ATP13A5: variants seen among roughly 807,000 people sequenced by gnomAD.
The protein encoded by ATP13A5 is probable cation-transporting ATPase 13A5.
Under a neutral mutation model 150.2 loss-of-function variants are expected in ATP13A5, and 149 were observed. The ratio of observed to expected loss-of-function variants is 0.99; its 90% CI spans 0.87 to 1.14. ATP13A5 has a LOEUF of 1.14. ATP13A5 is among the 50% of genes most tolerant of loss of function. ATP13A5 has a pLI of 0.00. For missense variants in ATP13A5, 1,383 were observed against 1,449.3 expected, an observed-to-expected ratio of 0.95 and a Z score of 0.74; for synonymous variants, 497 against 522.2, an observed-to-expected ratio of 0.95 and a Z score of 0.66.
At chr3:193,300,830 G>A (rs964746434) in intron 24 of ATP13A5, among the ~76,000 whole-genome samples, 1 of 152,090 alleles carries the variant, frequency 6.6e-6, no homozygotes, top group Non-Finnish European at 1.5e-5. Context: ...AAATTCAACA[G>A]CTTCTCTTCC....
At chr3:193,345,484 A>G (rs1226785577) in intron 7 of ATP13A5, among the ~76,000 whole-genome samples, 4 of 152,160 alleles carry the variant, frequency 2.6e-5, no homozygotes, top group Non-Finnish European at 5.9e-5. Context: ...GATGGTCAGA[A>G]TAAATTTATG....
intron 3 of ATP13A5, 140 bp from the exon 4 acceptor site, chr3:193,362,777 CTT>C (rs1713076909): frequency 4.0e-6 from 2 of 502,254 alleles, no homozygotes; most frequent in African/African-American, 4.2e-5. Context: ...TTCTTTCTTT[CTT>C]TCTTTCTTTC....
chr3:193,359,618 C>T (rs1433074670), intron 5 of ATP13A5, among the ~76,000 whole-genome samples: 7 of 152,184 alleles, frequency 4.6e-5, no homozygotes, highest in South Asian at 2.1e-4. Context: ...ACTAAATCAA[C>T]GGGGAGCCTC....
At chr3:193,305,891 A>G (rs1364838910) in intron 22 of ATP13A5, among the ~76,000 whole-genome samples, 2 of 152,136 alleles carry the variant, frequency 1.3e-5, no homozygotes, top group Admixed American at 6.5e-5. Context: ...GTGTGTGTAC[A>G]TGCATGCGTG....
chr3:193,302,922 G>A (rs370213402), intron 23 of ATP13A5, among the ~76,000 whole-genome samples: 52 of 152,236 alleles, frequency 3.4e-4, no homozygotes, highest in African/African-American at 7.5e-4. Flanking sequence ...CTACCCTAGC[G>A]TCTTACTGAG....
chr3:193,321,184 T>C (rs1719260819), intron 16 of ATP13A5, among the ~76,000 whole-genome samples: 2 of 152,186 alleles, frequency 1.3e-5, no homozygotes, highest in African/African-American at 4.8e-5. Flanking sequence ...CTTTTCTTAC[T>C]GCACCCACAG....
intron 13 of ATP13A5, among the ~76,000 whole-genome samples, 162 bp downstream of exon 13, chr3:193,326,834 T>C (rs1290090464): frequency 2.0e-5 from 3 of 152,212 alleles, no homozygotes; most frequent in Non-Finnish European, 4.4e-5. Context: ...CATTCTGAAA[T>C]TAGAATTCAT....
chr3:193,319,778 AC>A (rs967399154), intron 16 of ATP13A5, among the ~76,000 whole-genome samples: 12 of 151,982 alleles, frequency 7.9e-5, no homozygotes, highest in African/African-American at 2.7e-4. Context: ...GGTCAAAAAA[AC>A]AAAACTAGGA....
chr3:193,293,892 C>T (rs1331246215), intron 25 of ATP13A5, among the ~76,000 whole-genome samples: 2 of 152,060 alleles, frequency 1.3e-5, no homozygotes, highest in East Asian at 3.9e-4. Flanking sequence ...CCTCCTGCAC[C>T]TCCTTCTCTG....
At chr3:193,301,545 C>T (rs1453700520) in intron 23 of ATP13A5, among the ~76,000 whole-genome samples, 1 of 152,176 alleles carries the variant, frequency 6.6e-6, no homozygotes, top group African/African-American at 2.4e-5. Context: ...CAGCATTATG[C>T]TAAGAGTCAT....
intron 25 of ATP13A5, among the ~76,000 whole-genome samples, chr3:193,297,402 C>G (rs1444792151): frequency 6.6e-6 from 1 of 151,986 alleles, no homozygotes; most frequent in Non-Finnish European, 1.5e-5. Context: ...CAGGAAATGA[C>G]TAGCCTGTGG....
chr3:193,333,976 AC>A, intron 10 of ATP13A5, 69 bp from the exon 11 acceptor site: 2 of 1,475,482 alleles, frequency 1.4e-6, no homozygotes, highest in Non-Finnish European at 1.8e-6. Context: ...AAATGGCTTT[AC>A]TGTCTTTGAG....
intron 26 of ATP13A5, among the ~76,000 whole-genome samples, chr3:193,285,357 G>A (rs992579959): frequency 6.6e-6 from 1 of 152,144 alleles, no homozygotes; most frequent in African/African-American, 2.4e-5. Flanking sequence ...GGGCCTGGAT[G>A]ACAATATTTT....
chr3:193,343,998 C>T lies in ATP13A5; in HGVS notation c.872G>A (p.Gly291Glu), dbSNP rs1712226113. 1.2e-6 allele frequency: 2 copies of T among 1,613,348 alleles called. No individual in the cohort carries two copies. The highest frequency in any genetic ancestry group is 1.7e-6 in the Non-Finnish European group (2 of 1,179,632). The stretch of plus-strand genomic sequence containing the variant: ...AGCATCACATGGCAATGAAAATTTT[C>T]CTGGAAGAATAAGAATGTCTCCGGG... Reference protein sequence around the residue: ...LVPGDILILPGKFSLPCDAVL... With the variant: ...LVPGDILILPEKFSLPCDAVL... The change falls in exon 9 of 30, where the codon GGA becomes GAA. Residue 291 changes from glycine to glutamate, a missense_variant. Gly to Glu is a moderately conservative substitution (Grantham distance 98). Around this residue, in one of 3 missense-constraint regions of ATP13A5, gnomAD observed 787 missense variants for 771.9 expected, o/e 1.02. Coordinates refer to ENST00000342358, the MANE Select transcript of ATP13A5 (RefSeq NM_198505.4).
At chr3:193,322,219 A>G (rs546786333) in intron 15 of ATP13A5, among the ~76,000 whole-genome samples, 16 of 152,266 alleles carry the variant, frequency 1.1e-4, no homozygotes, top group East Asian at 3.9e-4. Context: ...TGATTTTTCT[A>G]TGAGTCTACC....
intron 26 of ATP13A5, 100 bp downstream of exon 26, chr3:193,289,785 A>T: frequency 8.8e-7 from 1 of 1,137,758 alleles, no homozygotes; most frequent in Non-Finnish European, 1.2e-6. Flanking sequence ...CAATTTGATT[A>T]ATTAAAAGTT....
At chr3:193,347,524 C>CTTTTCTTTTTTTTT (rs72383894) in intron 7 of ATP13A5, among the ~76,000 whole-genome samples, 1 of 145,386 alleles carries the variant, frequency 6.9e-6, no homozygotes, top group African/African-American at 2.6e-5. Flanking sequence ...CCTTAGATTT[C>CTTTTCTTTTTTTTT]TTTTTTTTTT....
At chr3:193,374,354 G>A (rs1189343826) in intron 1 of ATP13A5, among the ~76,000 whole-genome samples, 2 of 148,240 alleles carry the variant, frequency 1.3e-5, no homozygotes, top group African/African-American at 2.5e-5. Context: ...GAAATAAGGT[G>A]CATTGTGGCT....
chr3:193,283,623 A>G lies in ATP13A5; in HGVS notation c.3226+1291T>C, dbSNP rs1717596461. 2.6e-5 allele frequency among the ~76,000 whole-genome samples: 4 copies of G among 152,038 alleles called. No homozygotes were observed. The South Asian group carries it at 8.3e-4, about 31-fold the overall frequency. Reference sequence around the variant, plus strand: ...TGTTGGATATAATATTAAGAAGCACACCCTCTCCAAAACAACTGATAGAAG... The same window carrying G: ...TGTTGGATATAATATTAAGAAGCACGCCCTCTCCAAAACAACTGATAGAAG... On this transcript the variant is annotated intron_variant, in intron 27 of 29. Transcript: ENST00000342358.
Sources: gnomAD v4.1 joint callset for allele counts (sites outside exome capture counted in the v4.1 genomes callset) on GRCh38, gnomAD v4.1.1 for gene constraint, gnomAD v4.1.1 regional missense constraint, MANE v1.5 for transcripts, NCBI Gene and HGNC (gene_info 2026-07-23, HGNC 2026-07-21) for gene names.